Variants in SHROOM3 observed in about 807,000 individuals in gnomAD.
SHROOM3 encodes shroom family member 3.
Under a neutral mutation model 138.6 loss-of-function variants are expected in SHROOM3, and 47 were observed. That is an observed-to-expected ratio of 0.34 (90% CI 0.27 to 0.43). The LOEUF is 0.43. Among genes scored for constraint, SHROOM3 ranks in the 20% least tolerant of loss-of-function variants. SHROOM3 has a pLI of 1.00. For synonymous variants in SHROOM3, 1,062 were observed against 1,063.3 expected (o/e 1.00, Z 0.02); for missense variants, 2,491 against 2,596.5 (o/e 0.96, Z 0.88).
At chr4:76,742,660 G>A (rs1218722629) in intron 5 of SHROOM3, among the ~76,000 whole-genome samples, 2 of 152,202 alleles carry the variant, frequency 1.3e-5, no homozygotes, top group Non-Finnish European at 2.9e-5. Context: ...TTTAAGCAGT[G>A]CTGGGAATAG....
At chr4:76,688,348 A>C (rs1276628330) in intron 2 of SHROOM3, 1 of 981,470 alleles carries the variant, frequency 1.0e-6, no homozygotes, top group African/African-American at 1.7e-5. Flanking sequence ...TTCTGTCAGG[A>C]TATAAGAGCA....
At chr4:76,588,254 A>G (rs941585775) in intron 2 of SHROOM3, among the ~76,000 whole-genome samples, 1 of 152,262 alleles carries the variant, frequency 6.6e-6, no homozygotes, top group South Asian at 2.1e-4. Flanking sequence ...TTCATTAATA[A>G]CTATGATAAA....
At chr4:76,627,150 G>T (rs189894507) in intron 2 of SHROOM3, among the ~76,000 whole-genome samples, 100 of 152,264 alleles carry the variant, frequency 6.6e-4, no homozygotes, top group African/African-American at 2.4e-3. Context: ...AGCACTTTGG[G>T]GGATGCGAGT....
At chr4:76,651,286 A>G (rs575228693) in intron 2 of SHROOM3, among the ~76,000 whole-genome samples, 1 of 151,616 alleles carries the variant, frequency 6.6e-6, no homozygotes, top group South Asian at 2.1e-4. Context: ...AAAGAGTGTA[A>G]TTGGATTATT....
At chr4:76,627,113 C>T (rs1214497488) in intron 2 of SHROOM3, among the ~76,000 whole-genome samples, 1 of 152,148 alleles carries the variant, frequency 6.6e-6, no homozygotes, top group Non-Finnish European at 1.5e-5. Context: ...GTGGCTATGT[C>T]AAATTATTTG....
At chr4:76,450,641 A>G (rs558463025) in intron 1 of SHROOM3, among the ~76,000 whole-genome samples, 3 of 152,358 alleles carry the variant, frequency 2.0e-5, no homozygotes, top group African/African-American at 4.8e-5. Context: ...TTAACTCCAC[A>G]TATATGAGAT....
chr4:76,435,733 A>G lies in SHROOM3; in HGVS notation c.-320A>G. 4.0e-6 allele frequency: 1 copy of G among 250,204 alleles called. No individual in the cohort carries two copies. Among genetic ancestry groups the G allele is most frequent in the Non-Finnish European group, 7.7e-6 (1 of 130,202 alleles). The allele number at this position is 250,204 out of a possible 1,614,324, so 15.5% of individuals were successfully genotyped here. On this transcript the variant is annotated 5_prime_UTR_variant, in exon 1 of 11. Transcript: ENST00000296043. ...TGTATGTGTGAAATAAAAGCTCAGA[A>G]AAGCAATCTTCAGAGCGCCACTGAA...
At chr4:76,643,168 T>C (rs959009547) in intron 2 of SHROOM3, among the ~76,000 whole-genome samples, 1 of 148,216 alleles carries the variant, frequency 6.7e-6, no homozygotes, top group African/African-American at 2.5e-5. Flanking sequence ...GAGCCGAAAT[T>C]GCACCATTGT....
chr4:76,540,816 G>C (rs527484712), intron 1 of SHROOM3, among the ~76,000 whole-genome samples: 3 of 152,150 alleles, frequency 2.0e-5, no homozygotes, highest in Non-Finnish European at 4.4e-5. Flanking sequence ...GAAAACTAAA[G>C]CCTAACTATT....
intron 2 of SHROOM3, 95 bp from the exon 3 acceptor site, chr4:76,710,061 T>C: frequency 6.4e-7 from 1 of 1,558,014 alleles, no homozygotes; most frequent in Non-Finnish European, 8.8e-7. Context: ...GCTCCGGGGT[T>C]CGTTTTCATG....
intron 3 of SHROOM3, 68 bp downstream of exon 3, chr4:76,710,355 C>T: frequency 6.3e-7 from 1 of 1,594,880 alleles, no homozygotes; most frequent in Non-Finnish European, 8.6e-7. Context: ...CACTCAGCTG[C>T]TGGGAGAGGA....
chr4:76,620,670 T>C (rs1274968749), intron 2 of SHROOM3, among the ~76,000 whole-genome samples: 2 of 152,074 alleles, frequency 1.3e-5, no homozygotes, highest in Non-Finnish European at 2.9e-5. Context: ...TACAGGGGAT[T>C]AATAAATGTG....
chr4:76,733,559 TTTGGCA>T, intron 4 of SHROOM3, among the ~76,000 whole-genome samples: 1 of 152,128 alleles, frequency 6.6e-6, no homozygotes, highest in Admixed American at 6.5e-5. Flanking sequence ...GGCTTGCAGC[TTTGGCA>T]GAGGGCTTGA....
intron 2 of SHROOM3, among the ~76,000 whole-genome samples, chr4:76,687,102 A>G (rs1008491749): frequency 3.9e-5 from 6 of 152,246 alleles, no homozygotes; most frequent in Admixed American, 3.3e-4. Context: ...TGAAAAGTGT[A>G]AATTTTAATG....
chr4:76,768,301 T>C (rs1169929279), intron 9 of SHROOM3, among the ~76,000 whole-genome samples: 1 of 152,232 alleles, frequency 6.6e-6, no homozygotes, highest in Non-Finnish European at 1.5e-5. Context: ...TGCGCTGATA[T>C]CACAGTGAAA....
In SHROOM3 at chr4:76,442,847, C is replaced by T. The variant is rs193264678; in HGVS notation, c.168+6627C>T. On this transcript the variant is annotated intron_variant, in intron 1 of 10. Coordinates refer to ENST00000296043, the MANE Select transcript of SHROOM3 (RefSeq NM_020859.4). ...CCTTCCTCCTTTTCTTTTTATTATTCGTGGTGCTTAAACTATACGTAACAA... is the reference window on the plus strand; with the variant it reads ...CCTTCCTCCTTTTCTTTTTATTATTTGTGGTGCTTAAACTATACGTAACAA... 3.2e-3 allele frequency among the ~76,000 whole-genome samples: 492 copies of T among 151,876 alleles called. 8 individuals are homozygous for T. The highest frequency in any genetic ancestry group is 0.019 in the Admixed American group (290 of 15,250).
At chr4:76,585,141 T>G (rs1054031558) in intron 2 of SHROOM3, among the ~76,000 whole-genome samples, 1 of 152,232 alleles carries the variant, frequency 6.6e-6, no homozygotes, top group African/African-American at 2.4e-5. Context: ...TGTTGGTGTT[T>G]GGAATGATTA....
At position 76,779,342 on chromosome 4, in the gene SHROOM3, C is replaced by A; in HGVS notation, c.*165C>A. On this transcript the variant is annotated 3_prime_UTR_variant, in exon 11 of 11. Coordinates refer to ENST00000296043, the MANE Select transcript of SHROOM3 (RefSeq NM_020859.4). ...AGGAGGAAGCCTTTTTCCTTCTTGC[C>A]CTTCCTGATTGATCTTCTGAGAGCT... is the stretch of plus-strand genomic sequence containing the variant. The A allele has an allele frequency of 2.3e-6, 2 of 855,976 alleles. No homozygotes were observed. Among genetic ancestry groups the A allele is most frequent in the Non-Finnish European group, 3.5e-6 (2 of 573,722 alleles). 53.0% of individuals were successfully genotyped at this position (855,976 alleles called of 1,614,324 possible).
intron 1 of SHROOM3, among the ~76,000 whole-genome samples, chr4:76,537,240 G>T (rs1040078735): frequency 2.0e-5 from 3 of 152,188 alleles, no homozygotes; most frequent in African/African-American, 7.2e-5. Flanking sequence ...TGTGTACATG[G>T]ACATTTCAGA....
Sources: gnomAD v4.1 joint callset for allele counts (sites outside exome capture counted in the v4.1 genomes callset) on GRCh38, gnomAD v4.1.1 for gene constraint, MANE v1.5 for transcripts, NCBI Gene and HGNC (gene_info 2026-07-23, HGNC 2026-07-21) for gene names.